Variants in SMYD3 observed in about 807,000 individuals in gnomAD.
SMYD3 encodes the protein SET and MYND domain containing 3, also known as histone-lysine N-methyltransferase SMYD3.
In SMYD3, 36 loss-of-function variants were observed where a neutral mutation model predicts 57.7. The observed-to-expected ratio is 0.62, with a 90% CI of 0.48 to 0.82. SMYD3 has a LOEUF of 0.82. SMYD3 is among the 40% of genes least tolerant of loss of function. The probability of loss-of-function intolerance (pLI) is 0.00; values close to 1 mark genes in which losing one functional copy is unlikely to be tolerated. For synonymous variants in SMYD3, 211 were observed against 195.0 expected, an observed-to-expected ratio of 1.08 and a Z score of -0.68; for missense variants, 515 against 538.8, an observed-to-expected ratio of 0.96 and a Z score of 0.44.
chr1:246,190,050 G>A (rs905507960), intron 5 of SMYD3, among the ~76,000 whole-genome samples: 1 of 152,078 alleles, frequency 6.6e-6, no homozygotes, highest in African/African-American at 2.4e-5. Context: ...CCTCCTATCT[G>A]AGGAAGGATC....
chr1:246,154,907 A>G (rs1476737135), intron 5 of SMYD3, among the ~76,000 whole-genome samples: 1 of 151,558 alleles, frequency 6.6e-6, no homozygotes, highest in Non-Finnish European at 1.5e-5. Context: ...TCAGCTTCAT[A>G]AGAAGCTGGG....
chr1:246,070,637 C>T (rs1231512180), intron 5 of SMYD3, among the ~76,000 whole-genome samples: 3 of 152,084 alleles, frequency 2.0e-5, no homozygotes, highest in Admixed American at 2.0e-4. Flanking sequence ...CTGTCAGAAC[C>T]CTGATCAAAA....
At chr1:246,476,913 C>T (rs556500907) in intron 1 of SMYD3, among the ~76,000 whole-genome samples, 21 of 152,246 alleles carry the variant, frequency 1.4e-4, no homozygotes, top group African/African-American at 5.1e-4. Flanking sequence ...AAATACGTCA[C>T]AAAAACCTGT....
intron 1 of SMYD3, among the ~76,000 whole-genome samples, chr1:246,396,656 G>A (rs191033607): frequency 6.6e-6 from 1 of 152,288 alleles, no homozygotes; most frequent in East Asian, 1.9e-4. Flanking sequence ...TTGAAGGAGG[G>A]CCTGGTGGGG....
At chr1:246,420,070 A>G (rs2067119478) in intron 1 of SMYD3, among the ~76,000 whole-genome samples, 1 of 152,090 alleles carries the variant, frequency 6.6e-6, no homozygotes, top group African/African-American at 2.4e-5. Flanking sequence ...GTGGTCGCAC[A>G]TGCCTGTAGT....
chr1:245,808,875 G>T (rs1413061488), intron 10 of SMYD3, among the ~76,000 whole-genome samples: 1 of 152,080 alleles, frequency 6.6e-6, no homozygotes, highest in Non-Finnish European at 1.5e-5. Flanking sequence ...CGATTCTCGT[G>T]CCTCAGCCTC....
At chr1:245,896,794 C>T (rs530549936) in intron 8 of SMYD3, among the ~76,000 whole-genome samples, 70 of 152,228 alleles carry the variant, frequency 4.6e-4, no homozygotes, top group African/African-American at 1.2e-3. Context: ...TCAGCATCAC[C>T]GGGGCGCAAG....
rs989424522 is a variant in SMYD3, at chr1:245,948,328, G to C, written c.532-18391C>G. On this transcript the variant is annotated intron_variant, in intron 5 of 11. Coordinates refer to ENST00000490107, the MANE Select transcript of SMYD3 (RefSeq NM_001167740.2). The stretch of plus-strand genomic sequence containing the variant: ...GGAATTCAACATGGAAGTGACAGGA[G>C]ACGCCTAAGGCAAGAAAGGAGAGGG... Among the ~76,000 whole-genome samples the C allele has an allele frequency of 1.6e-4, 25 of 152,312 alleles. 1 individual carries two copies. In the South Asian group the frequency reaches 5.2e-3, roughly 32 times the overall value.
chr1:246,238,290 G>T (rs879703898), intron 5 of SMYD3, among the ~76,000 whole-genome samples: 1 of 152,116 alleles, frequency 6.6e-6, no homozygotes, highest in African/African-American at 2.4e-5. Flanking sequence ...CTGAGCTTCC[G>T]AAAGTGCTGT....
chr1:245,920,643 G>A (rs906477621), intron 7 of SMYD3, among the ~76,000 whole-genome samples: 1 of 152,116 alleles, frequency 6.6e-6, no homozygotes, highest in Non-Finnish European at 1.5e-5. Flanking sequence ...TCACCCCGAC[G>A]CTCATTCTCC....
At position 245,958,888 on chromosome 1, in the gene SMYD3, G is replaced by C. The variant is rs1187986639; in HGVS notation, c.532-28951C>G. On this transcript the variant is annotated intron_variant, in intron 5 of 11. Transcript: ENST00000490107. ...AGAGGCTAGATAATAACTTTCAGGA[G>C]CATTAAGAACTCTTTTTTGTTGTTG... is the stretch of plus-strand genomic sequence containing the variant. Among the ~76,000 whole-genome samples, 3 of 152,228 alleles carry C rather than the reference G, an allele frequency of 2.0e-5. No homozygotes were observed. In the East Asian group the frequency reaches 5.8e-4, roughly 29 times the overall value.
intron 5 of SMYD3, among the ~76,000 whole-genome samples, chr1:245,942,685 C>A (rs2057291472): frequency 6.6e-6 from 1 of 152,204 alleles, no homozygotes; most frequent in South Asian, 2.1e-4. Context: ...TTCTCTGTGC[C>A]ACATGGCACT....
intron 1 of SMYD3, among the ~76,000 whole-genome samples, chr1:246,437,572 G>C (rs2067398352): frequency 6.6e-6 from 1 of 152,152 alleles, no homozygotes; most frequent in African/African-American, 2.4e-5. Context: ...GTTTAGTCTT[G>C]CTTTTAAGAT....
chr1:245,951,130 T>C (rs2057622704), intron 5 of SMYD3, among the ~76,000 whole-genome samples: 1 of 152,080 alleles, frequency 6.6e-6, no homozygotes, highest in Non-Finnish European at 1.5e-5. Context: ...GGAGGCACAT[T>C]GTTTCTGCAT....
intron 5 of SMYD3, among the ~76,000 whole-genome samples, chr1:245,946,356 A>T (rs1383872561): frequency 6.6e-6 from 1 of 151,894 alleles, no homozygotes; most frequent in Non-Finnish European, 1.5e-5. Flanking sequence ...AAATCACACC[A>T]CTCAACACAT....
At chr1:245,965,948 G>A (rs183275907) in intron 5 of SMYD3, among the ~76,000 whole-genome samples, 11 of 152,208 alleles carry the variant, frequency 7.2e-5, no homozygotes, top group African/African-American at 2.4e-4. Flanking sequence ...GGTTTGGGAT[G>A]TTTATGATGA....
intron 5 of SMYD3, among the ~76,000 whole-genome samples, chr1:246,227,365 C>T (rs557287330): frequency 6.6e-6 from 1 of 152,288 alleles, no homozygotes; most frequent in Non-Finnish European, 1.5e-5. Flanking sequence ...CCTGTAATCC[C>T]AGCACTTTGG....
intron 5 of SMYD3, among the ~76,000 whole-genome samples, chr1:246,150,378 A>G (rs982377060): frequency 6.6e-6 from 1 of 152,090 alleles, no homozygotes; most frequent in Non-Finnish European, 1.5e-5. Flanking sequence ...GGGAACAAAA[A>G]TGACTCTGGT....
chr1:245,977,198 A>G (rs1300944538), intron 5 of SMYD3, among the ~76,000 whole-genome samples: 1 of 152,206 alleles, frequency 6.6e-6, no homozygotes, highest in Non-Finnish European at 1.5e-5. Flanking sequence ...AGTCACACCC[A>G]CATTTCAAAC....
Sources: allele counts gnomAD v4.1 joint callset (sites outside exome capture counted in the v4.1 genomes callset), GRCh38; gene constraint gnomAD v4.1.1; transcripts MANE v1.5; gene names NCBI Gene and HGNC (gene_info 2026-07-23, HGNC 2026-07-21).